The following FAM168B variants were observed in gnomAD, a reference collection of about 807,000 sequenced individuals.
FAM168B encodes family with sequence similarity 168 member B.
A neutral mutation model predicts 21.8 loss-of-function variants in FAM168B; 19 were observed. The ratio of observed to expected loss-of-function variants is 0.87; its 90% CI spans 0.61 to 1.28. The LOEUF is 1.28. FAM168B is among the 50% of genes most tolerant of loss of function. FAM168B has a pLI of 0.00. For missense variants in FAM168B, 233 were observed against 263.1 expected (o/e 0.89, Z 0.79); for synonymous variants, 126 against 104.8 (o/e 1.20, Z -1.24).
At chr2:131,082,507 A>G in intron 2 of FAM168B, 70 bp downstream of exon 2, 1 of 1,060,230 alleles carries the variant, frequency 9.4e-7, no homozygotes, top group Non-Finnish European at 1.4e-6. Flanking sequence ...AATAGAAAGC[A>G]TTCTTAGTGA....
At chr2:131,070,863 A>G (rs1014943971) in intron 3 of FAM168B, among the ~76,000 whole-genome samples, 4 of 152,256 alleles carry the variant, frequency 2.6e-5, no homozygotes, top group African/African-American at 9.6e-5. Context: ...GACTCTAGGC[A>G]TAACTGTGTC....
Position 131,048,052 on chromosome 2 carries a change from T to G in FAM168B, c.*4413A>C. ...TGGCTCAGGATGGAAATTCCATTCCTTGGCATGGATACGTAAGTTCAATGC... is the reference window on the plus strand; with the variant it reads ...TGGCTCAGGATGGAAATTCCATTCCGTGGCATGGATACGTAAGTTCAATGC... On this transcript the variant is annotated 3_prime_UTR_variant, in exon 7 of 7. Coordinates refer to ENST00000389915, the MANE Select transcript of FAM168B (RefSeq NM_001009993.4). The G allele has an allele frequency of 1.9e-6, 1 of 518,914 alleles. No homozygotes were observed. The highest frequency in any genetic ancestry group is 2.0e-5 in the African/African-American group (1 of 50,076). The allele number at this position is 518,914 out of a possible 1,614,324, so 32.1% of individuals were successfully genotyped here. A position where few individuals can be genotyped will look rare whatever the true frequency, so the allele number is the denominator to read the frequency against.
At chr2:131,082,793 C>A in intron 1 of FAM168B, 136 bp from the exon 2 acceptor site, 1 of 591,256 alleles carries the variant, frequency 1.7e-6, no homozygotes, top group East Asian at 3.0e-5. Flanking sequence ...CTGCCCCCAA[C>A]CAGCGAAGAA....
chr2:131,071,963 C>G, intron 2 of FAM168B, 25 bp from the exon 3 acceptor site: 1 of 1,603,556 alleles, frequency 6.2e-7, no homozygotes, highest in Non-Finnish European at 8.5e-7. Context: ...AGAACAATCT[C>G]ATGTCATCAA....
intron 1 of FAM168B, among the ~76,000 whole-genome samples, chr2:131,091,367 G>A (rs770345754): frequency 6.6e-6 from 1 of 150,572 alleles, no homozygotes; most frequent in Non-Finnish European, 1.5e-5. Context: ...AAAAAATAAA[G>A]CATATAGGCC....
rs545176351 is a variant in FAM168B at position 131,048,185 on chromosome 2, C to A, written c.*4280G>T. ...TATTTAAAAATCATTTTTAAAAAAA[C>A]AAAAAGGAACCGTTTCTTCTTTAGT... On this transcript the variant is annotated 3_prime_UTR_variant, in exon 7 of 7. Coordinates refer to ENST00000389915, the MANE Select transcript of FAM168B (RefSeq NM_001009993.4). 1.1e-4 allele frequency: 138 copies of A among 1,248,434 alleles called. 1 individual carries two copies. In the South Asian group the frequency reaches 1.7e-3, roughly 15 times the overall value. The allele number at this position is 1,248,434 out of a possible 1,614,324, so 77.3% of individuals were successfully genotyped here.
At chr2:131,061,598 C>T (rs1269418442) in intron 3 of FAM168B, among the ~76,000 whole-genome samples, 1 of 152,008 alleles carries the variant, frequency 6.6e-6, no homozygotes, top group Non-Finnish European at 1.5e-5. Context: ...CTGGCCAACA[C>T]GGTGAAACCC....
intron 2 of FAM168B, among the ~76,000 whole-genome samples, chr2:131,075,275 T>TAA (rs1172103189): frequency 1.2e-4 from 17 of 144,200 alleles, no homozygotes; most frequent in East Asian, 2.0e-4. Context: ...TTCCTTCTTT[T>TAA]AAAAAAAAAA....
chr2:131,082,713 A>G, intron 1 of FAM168B, 56 bp from the exon 2 acceptor site: 1 of 1,159,488 alleles, frequency 8.6e-7, no homozygotes, highest in Non-Finnish European at 1.2e-6. Context: ...ATTTTTCTCC[A>G]GTACCAGTCC....
At chr2:131,092,622 T>A (rs1221477585) in intron 1 of FAM168B, among the ~76,000 whole-genome samples, 1 of 152,310 alleles carries the variant, frequency 6.6e-6, no homozygotes, top group Middle Eastern at 3.4e-3. Flanking sequence ...GCACACTTCA[T>A]GTTCACATAC....
At chr2:131,056,746 AG>A (rs1451769842) in intron 3 of FAM168B, among the ~76,000 whole-genome samples, 1 of 152,212 alleles carries the variant, frequency 6.6e-6, no homozygotes, top group Non-Finnish European at 1.5e-5. Context: ...AGCAAGCCAA[AG>A]GGACAAACTG....
chr2:131,048,363 C>T lies in FAM168B; in HGVS notation c.*4102G>A. The T allele has an allele frequency of 7.7e-7, 1 of 1,294,638 alleles. No individual in the cohort carries two copies. Among genetic ancestry groups the T allele is most frequent in the Non-Finnish European group, 1.0e-6 (1 of 981,464 alleles). 80.2% of individuals were successfully genotyped at this position (1,294,638 alleles called of 1,614,324 possible). ...CACAGCCTGTGGTGAGGAGGAGACA[C>T]CTGTCATGCCAGTCCTGGGAGCACA... On this transcript the variant is annotated 3_prime_UTR_variant, in exon 7 of 7. Transcript: ENST00000389915.
chr2:131,090,701 T>C (rs1693971951), intron 1 of FAM168B, among the ~76,000 whole-genome samples: 1 of 152,126 alleles, frequency 6.6e-6, no homozygotes, highest in African/African-American at 2.4e-5. Context: ...CTCCCATCTC[T>C]ACAAAATGAA....
chr2:131,054,708 CA>C (rs1691910748), intron 5 of FAM168B, among the ~76,000 whole-genome samples: 1 of 152,208 alleles, frequency 6.6e-6, no homozygotes, highest in African/African-American at 2.4e-5. Flanking sequence ...ATCAAACCCC[CA>C]GGGCTTCCGC....
At position 131,092,401 on chromosome 2, in the gene FAM168B, C is replaced by T. The variant is rs373339557; in HGVS notation, c.-12+813G>A. Among the ~76,000 whole-genome samples the T allele has an allele frequency of 5.4e-4, 82 of 152,150 alleles. 1 individual carries two copies. The South Asian group carries it at 0.017, about 31-fold the overall frequency. On this transcript the variant is annotated intron_variant, in intron 1 of 6. Transcript: ENST00000389915. ...AGCTTAAAAATGTGTCCTGTTTTTGCCAAAACCAAAAAGTTTTATTTAATC... is the reference window on the plus strand; with the variant it reads ...AGCTTAAAAATGTGTCCTGTTTTTGTCAAAACCAAAAAGTTTTATTTAATC...
chr2:131,072,962 T>C (rs181335723), intron 2 of FAM168B, among the ~76,000 whole-genome samples: 6 of 152,350 alleles, frequency 3.9e-5, no homozygotes, highest in Admixed American at 2.6e-4. Flanking sequence ...GCTAAGCCTA[T>C]GTAAAGGTCA....
In FAM168B at chr2:131,082,547, A is replaced by T. The variant is rs1448956999; in HGVS notation, c.70+30T>A. On this transcript the variant is annotated intron_variant, in intron 2 of 6. Coordinates refer to ENST00000389915, the MANE Select transcript of FAM168B (RefSeq NM_001009993.4). ...AAAATATACCAAGTATTCAAAGTTC[A>T]AAAATGAAAACAAAATTTTACTTAC... 3.3e-6 allele frequency: 5 copies of T among 1,520,702 alleles called. No individual in the cohort carries two copies. The South Asian group carries it at 4.8e-5, about 15-fold the overall frequency. 94.2% of individuals were successfully genotyped at this position (1,520,702 alleles called of 1,614,324 possible). A position where few individuals can be genotyped will look rare whatever the true frequency, so the allele number is the denominator to read the frequency against.
chr2:131,073,796 G>C lies in FAM168B; in HGVS notation c.71-1858C>G, dbSNP rs1692998419. Among the ~76,000 whole-genome samples the C allele has an allele frequency of 2.0e-5, 3 of 152,236 alleles. No homozygotes were observed. In the South Asian group the frequency reaches 6.2e-4, roughly 31 times the overall value. On this transcript the variant is annotated intron_variant, in intron 2 of 6. Transcript: ENST00000389915. ...CAGGCTGTGTCTTACTTAAGCTTCAGTCTTCTTACAGAAGGAGCTCTAACT... is the reference window on the plus strand; with the variant it reads ...CAGGCTGTGTCTTACTTAAGCTTCACTCTTCTTACAGAAGGAGCTCTAACT...
At chr2:131,062,368 C>G (rs568487035) in intron 3 of FAM168B, among the ~76,000 whole-genome samples, 16 of 152,366 alleles carry the variant, frequency 1.1e-4, no homozygotes, top group Non-Finnish European at 2.4e-4. Context: ...CGATGTCTTC[C>G]TTTTCTTCTA....
Sources: allele counts gnomAD v4.1 joint callset (sites outside exome capture counted in the v4.1 genomes callset), GRCh38; gene constraint gnomAD v4.1.1; transcripts MANE v1.5; gene names NCBI Gene and HGNC (gene_info 2026-07-23, HGNC 2026-07-21).